SETD6: variants seen among roughly 807,000 people sequenced by gnomAD.
SETD6 encodes the protein N-lysine methyltransferase SETD6.
SETD6 carries 67 observed loss-of-function variants against 52.7 expected under a neutral mutation model. That is an observed-to-expected ratio of 1.27 (90% confidence interval 1.04 to 1.56). The LOEUF (loss-of-function observed/expected upper bound fraction) is 1.56. SETD6 is among the 40% of genes most tolerant of loss of function. The probability of loss-of-function intolerance (pLI) is 0.00; values close to 1 mark genes in which losing one functional copy is unlikely to be tolerated. For missense variants in SETD6, 712 were observed against 607.5 expected, an observed-to-expected ratio of 1.17 and a Z score of -1.81; for synonymous variants, 307 against 250.2, an observed-to-expected ratio of 1.23 and a Z score of -2.14.
At position 58,518,507 on chromosome 16, in the gene SETD6, G is replaced by A; in HGVS notation, c.1080G>A (p.Glu360=). Residue 360 remains glutamate (E), a synonymous_variant, in exon 7 of 8, where the codon GAG becomes GAA. Transcript: ENST00000219315. Reference sequence around the variant, plus strand: ...GAGCCTTTGTGATAGGGAGGGAGGAGGTGCTGACTGAAGAGGAGCTGACCA... The same window carrying A: ...GAGCCTTTGTGATAGGGAGGGAGGAAGTGCTGACTGAAGAGGAGCTGACCA... ...EEGAFVIGRE[E]VLTEEELTTT... 1 of 1,593,268 alleles carries A rather than the reference G, an allele frequency of 6.3e-7. No homozygotes were observed. The highest frequency in any genetic ancestry group is 8.5e-7 in the Non-Finnish European group (1 of 1,175,416).
chr16:58,518,610 T>A, intron 7 of SETD6, 67 bp downstream of exon 7: 1 of 1,579,796 alleles, frequency 6.3e-7, no homozygotes, highest in South Asian at 1.2e-5. Flanking sequence ...AGCTAGAAGA[T>A]GAGAGAGGAA....
chr16:58,516,249 G>T lies in SETD6; in HGVS notation c.382G>T (p.Ala128Ser). 6.3e-7 allele frequency: 1 copy of T among 1,599,414 alleles called. No individual in the cohort carries two copies. The change falls in exon 3 of 8, where the codon GCG (alanine) becomes TCG (serine). Residue 128 changes from alanine (A) to serine (S), a missense_variant. By Grantham distance (99) the Ala-to-Ser change is moderately conservative (BLOSUM62 1). Coordinates refer to ENST00000219315, the MANE Select transcript of SETD6 (RefSeq NM_001160305.4). Reference sequence around the variant, plus strand: ...GTCGGGCTGGGTGCCACTGCTGCTGGCGCTGCTCCACGAGCTGCAGGCCCC... The same window carrying T: ...GTCGGGCTGGGTGCCACTGCTGCTGTCGCTGCTCCACGAGCTGCAGGCCCC... ...SQSGWVPLLL[A>S]LLHELQAPAS...
chr16:58,516,148 G>GCGGGCCGCGC (rs1555491247), intron 2 of SETD6, 51 bp downstream of exon 2: 3 of 1,183,626 alleles, frequency 2.5e-6, no homozygotes, highest in Non-Finnish European at 3.2e-6. Context: ...GCGGGGCGGG[G>GCGGGCCGCGC]CGGGCCCGGC....
upstream of SETD6, chr16:58,515,512 C>A (rs903833501): frequency 6.3e-6 from 10 of 1,577,158 alleles, no homozygotes; most frequent in Non-Finnish European, 6.9e-6. Flanking sequence ...GGTGCGCCGG[C>A]CCGCGAGGAA....
chr16:58,518,947 T>A lies in SETD6; in HGVS notation c.1340T>A (p.Leu447His). Reference protein sequence around the residue: ...LLSNKEVYAKLSWREQQALQV... With the variant: ...LLSNKEVYAKHSWREQQALQV... ...AGTAATAAGGAAGTCTATGCGAAAC[T>A]CAGCTGGAGGGAACAGCAAGCCTTA... The change falls in exon 8 of 8, where the codon CTC (leucine) becomes CAC (histidine). Residue 447 changes from leucine to histidine, a missense_variant. Transcript: ENST00000219315. 1 of 1,614,172 alleles carries A rather than the reference T, an allele frequency of 6.2e-7. No individual in the cohort carries two copies. Among genetic ancestry groups the A allele is most frequent in the Non-Finnish European group, 8.5e-7 (1 of 1,180,026 alleles).
Position 58,518,904 on chromosome 16 carries a change from A to G in SETD6, c.1297A>G (p.Thr433Ala). 6.2e-7 allele frequency: 1 copy of G among 1,614,176 alleles called. No individual in the cohort carries two copies. The highest frequency in any genetic ancestry group is 8.5e-7 in the Non-Finnish European group (1 of 1,180,026). Residue 433 changes from threonine (T) to alanine (A), a missense_variant, in exon 8 of 8, where the codon ACT becomes GCT. Thr to Ala is a moderately conservative substitution (Grantham distance 58). Transcript: ENST00000219315. The part of the protein sequence containing the change: ...TLQTYATDLK[T>A]DQGLLSNKEV... Reference sequence around the variant, plus strand: ...GCAGACCTATGCCACAGACTTAAAAACTGACCAAGGTTTACTCAGTAATAA... The same window carrying G: ...GCAGACCTATGCCACAGACTTAAAAGCTGACCAAGGTTTACTCAGTAATAA...
At position 58,521,486 on chromosome 16, in the gene SETD6, T is replaced by C. The variant is rs1176055146; in HGVS notation, c.*2457T>C. 2.0e-5 allele frequency among the ~76,000 whole-genome samples: 3 copies of C among 152,250 alleles called. No individual in the cohort carries two copies. The highest frequency in any genetic ancestry group is 6.5e-5 in the Admixed American group (1 of 15,284). On this transcript the variant is annotated 3_prime_UTR_variant, in exon 8 of 8. Coordinates refer to ENST00000219315, the MANE Select transcript of SETD6 (RefSeq NM_001160305.4). Reference sequence around the variant, plus strand: ...ATACTCCAAATAGCACAGGTTGGAATACCTGGGTTTGAACCCTGCTCTTAG... The same window carrying C: ...ATACTCCAAATAGCACAGGTTGGAACACCTGGGTTTGAACCCTGCTCTTAG...
At chr16:58,515,769 T>G in intron 1 of SETD6, 22 bp from the exon 2 acceptor site, 1 of 1,466,072 alleles carries the variant, frequency 6.8e-7, no homozygotes, top group Non-Finnish European at 9.0e-7. Context: ...TCGGACCTGG[T>G]CACTGCGCGC....
rs201826419 is a variant in SETD6 at position 58,516,688 on chromosome 16, C to T, written c.671+16C>T. 62 of 1,611,046 alleles carry T rather than the reference C, an allele frequency of 3.8e-5. No individual in the cohort carries two copies. In the African/African-American group the frequency reaches 8.0e-4, roughly 21 times the overall value. On this transcript the variant is annotated intron_variant, in intron 4 of 7. Coordinates refer to ENST00000219315, the MANE Select transcript of SETD6 (RefSeq NM_001160305.4). ...TGGCCTATAGGTCAGTGGGTGGGGC[C>T]TCTGAGGACGGAACCCTTTTCTTTA...
intron 7 of SETD6, 67 bp downstream of exon 7, chr16:58,518,610 TGA>T (rs1012672392): frequency 5.7e-6 from 9 of 1,579,678 alleles, no homozygotes; most frequent in South Asian, 4.7e-5. Context: ...AGCTAGAAGA[TGA>T]GAGAGGAAAT....
At chr16:58,515,698 C>G in intron 1 of SETD6, 93 bp from the exon 2 acceptor site, 4 of 1,407,558 alleles carry the variant, frequency 2.8e-6, no homozygotes, top group Non-Finnish European at 3.7e-6. Context: ...CCTCCTCCAC[C>G]CAAAGCCCGT....
intron 5 of SETD6, 109 bp from the exon 6 acceptor site, chr16:58,517,942 C>T: frequency 7.4e-7 from 1 of 1,342,728 alleles, no homozygotes; most frequent in South Asian, 1.3e-5. Flanking sequence ...TAGTTAACAG[C>T]ATCAGTCATG....
Position 58,521,108 on chromosome 16 carries a change from T to G in SETD6, c.*2079T>G. On this transcript the variant is annotated 3_prime_UTR_variant, in exon 8 of 8. Coordinates refer to ENST00000219315, the MANE Select transcript of SETD6 (RefSeq NM_001160305.4). ...AACAATACCTTGCATCTCATTCAGC[T>G]GACCCAACCTAGAGACAGATGGTTT... The G allele has an allele frequency of 1.2e-6, 2 of 1,613,474 alleles. No homozygotes were observed. The highest frequency in any genetic ancestry group is 1.7e-6 in the Non-Finnish European group (2 of 1,179,454).
intron 1 of SETD6, 47 bp downstream of exon 1, chr16:58,515,611 C>T (rs1461101206): frequency 6.8e-7 from 1 of 1,480,444 alleles, no homozygotes. Context: ...CGCCTCACCC[C>T]TTCTCCGTTC....
rs1180618024 is a variant in SETD6, at chr16:58,518,859, A to AG, written c.1252_1253insG (p.Asn418ArgfsTer17). On this transcript the variant is annotated frameshift_variant, in exon 8 of 8. Coordinates refer to ENST00000219315, the MANE Select transcript of SETD6 (RefSeq NM_001160305.4). LOFTEE classifies it high-confidence loss of function. ...AGCATCGTGGAGACAGCTGCTTCAA[A>AG]ACAGTGTTCTACTGACTTTGCAGAC... 5 of 1,614,098 alleles carry AG rather than the reference A, an allele frequency of 3.1e-6. No individual in the cohort carries two copies. In the Admixed American group the frequency reaches 8.3e-5, roughly 27 times the overall value.
chr16:58,515,731 C>T lies in SETD6; in HGVS notation c.28-60C>T. ...CGTTCTGCGCTCGCGCCGCGGTCTC[C>T]TGCAGTTCCCAGCGGCCTCTCTGGG... On this transcript the variant is annotated intron_variant, in intron 1 of 7. Coordinates refer to ENST00000219315, the MANE Select transcript of SETD6 (RefSeq NM_001160305.4). The T allele has an allele frequency of 2.1e-6, 3 of 1,419,010 alleles. No individual in the cohort carries two copies. In the South Asian group the frequency reaches 4.5e-5, roughly 21 times the overall value. The allele number at this position is 1,419,010 out of a possible 1,614,324, so 87.9% of individuals were successfully genotyped here. A position where few individuals can be genotyped will look rare whatever the true frequency, so the allele number is the denominator to read the frequency against.
Position 58,518,911 on chromosome 16 carries a change from A to T in SETD6, c.1304A>T (p.Gln435Leu), listed in dbSNP as rs1023032690. The T allele has an allele frequency of 1.9e-6, 3 of 1,614,070 alleles. No individual in the cohort carries two copies. Among genetic ancestry groups the T allele is most frequent in the African/African-American group, 1.3e-5 (1 of 74,922 alleles). The change falls in exon 8 of 8, where the codon CAA becomes CTA. Residue 435 changes from glutamine (Q) to leucine (L), a missense_variant. Physicochemically the swap from Gln to Leu is moderately radical, Grantham distance 113. Coordinates refer to ENST00000219315, the MANE Select transcript of SETD6 (RefSeq NM_001160305.4). Reference sequence around the variant, plus strand: ...TATGCCACAGACTTAAAAACTGACCAAGGTTTACTCAGTAATAAGGAAGTC... The same window carrying T: ...TATGCCACAGACTTAAAAACTGACCTAGGTTTACTCAGTAATAAGGAAGTC... ...QTYATDLKTDQGLLSNKEVYA... is the reference protein window; with the variant it reads ...QTYATDLKTDLGLLSNKEVYA...
In SETD6 at chr16:58,521,886, G is replaced by C. The variant is rs1357192385; in HGVS notation, c.*2857G>C. 6.6e-6 allele frequency among the ~76,000 whole-genome samples: 1 copy of C among 152,166 alleles called. No individual in the cohort carries two copies. Among genetic ancestry groups the C allele is most frequent in the Non-Finnish European group, 1.5e-5 (1 of 68,034 alleles). On this transcript the variant is annotated 3_prime_UTR_variant, in exon 8 of 8. Transcript: ENST00000219315. ...GAATCGCTTGAACCCAGTAGGTGGA[G>C]GTTGTGGTGAGCCGAGATGGTGCCA...
chr16:58,515,717 C>CGCGCCGCGGTCTCCTGCAGT (rs2039101312), intron 1 of SETD6, 74 bp from the exon 2 acceptor site: 19 of 1,402,172 alleles, frequency 1.4e-5, no homozygotes, highest in Non-Finnish European at 1.7e-5. Context: ...GTTCTGCGCT[C>CGCGCCGCGGTCTCCTGCAGT]GCGCCGCGGT....
Sources: gnomAD v4.1 joint callset for allele counts (sites outside exome capture counted in the v4.1 genomes callset) on GRCh38, gnomAD v4.1.1 for gene constraint, MANE v1.5 for transcripts, NCBI Gene and HGNC (gene_info 2026-07-23, HGNC 2026-07-21) for gene names.